TRDN: variants seen among roughly 807,000 people sequenced by gnomAD.
TRDN encodes the protein triadin in skeletal muscle.
TRDN carries 161 observed loss-of-function variants against 149.7 expected under a neutral mutation model. The observed-to-expected ratio is 1.08, with a 90% CI of 0.95 to 1.23. TRDN has a LOEUF of 1.23. Ranked by LOEUF, TRDN falls within the 50% of genes most tolerant of loss-of-function variation. TRDN has a pLI of 0.00. For synonymous variants in TRDN, 294 were observed against 250.5 expected, an observed-to-expected ratio of 1.17 and a Z score of -1.64; for missense variants, 896 against 823.5, an observed-to-expected ratio of 1.09 and a Z score of -1.08.
intron 12 of TRDN, chr6:123,411,632 A>G (rs1324812187): frequency 1.3e-5 from 2 of 152,372 alleles, no homozygotes; most frequent in Non-Finnish European, 2.9e-5. Context: ...GATATTAAAT[A>G]GCAAAGATAC....
chr6:123,439,405 T>C (rs1328531366), intron 10 of TRDN, among the ~76,000 whole-genome samples: 1 of 152,256 alleles, frequency 6.6e-6, no homozygotes, highest in Non-Finnish European at 1.5e-5. Context: ...TTGTTTTCTT[T>C]TATACATTTA....
At chr6:123,382,195 A>G (rs762862982) in intron 14 of TRDN, 48 bp from the exon 15 acceptor site, 7 of 1,307,156 alleles carry the variant, frequency 5.4e-6, no homozygotes, top group Middle Eastern at 2.6e-4. Flanking sequence ...CAATAAATCA[A>G]CAGCTGATCA....
chr6:123,512,279 G>A, intron 7 of TRDN, 24 bp downstream of exon 7: 1 of 1,299,900 alleles, frequency 7.7e-7, no homozygotes, highest in Non-Finnish European at 1.1e-6. Flanking sequence ...ATTTAGTTAT[G>A]GAAATAATAA....
At chr6:123,290,176 A>C (rs1582827806) in intron 24 of TRDN, among the ~76,000 whole-genome samples, 1 of 152,118 alleles carries the variant, frequency 6.6e-6, no homozygotes, top group South Asian at 2.1e-4. Context: ...TCTTTATTTG[A>C]TGCTATGGAA....
intron 1 of TRDN, among the ~76,000 whole-genome samples, chr6:123,586,303 G>C (rs373336377): frequency 7.9e-5 from 12 of 152,106 alleles, no homozygotes; most frequent in African/African-American, 2.4e-4. Flanking sequence ...GTGGAGGACC[G>C]GAGGCTGAGG....
intron 38 of TRDN, among the ~76,000 whole-genome samples, chr6:123,239,686 T>G (rs989175448): frequency 7.9e-5 from 12 of 152,110 alleles, no homozygotes; most frequent in Admixed American, 1.3e-4. Context: ...AAATTAAATA[T>G]GCTTAACATT....
At chr6:123,517,901 T>C (rs1779489389) in intron 5 of TRDN, among the ~76,000 whole-genome samples, 1 of 152,184 alleles carries the variant, frequency 6.6e-6, no homozygotes, top group African/African-American at 2.4e-5. Flanking sequence ...TTAATATCTC[T>C]ACTCAGTAAA....
chr6:123,381,117 G>C (rs1209137982), intron 16 of TRDN, among the ~76,000 whole-genome samples: 1 of 152,000 alleles, frequency 6.6e-6, no homozygotes, highest in African/African-American at 2.4e-5. Flanking sequence ...TTTTACTTTT[G>C]ATTACAAGCC....
chr6:123,334,126 C>A lies in TRDN; in HGVS notation c.1421-2197G>T, dbSNP rs1403872693. Among the ~76,000 whole-genome samples the A allele has an allele frequency of 2.0e-5, 3 of 151,974 alleles. No individual in the cohort carries two copies. In the East Asian group the frequency reaches 5.8e-4, roughly 29 times the overall value. ...AGTTTCGAAGTCTTCAGACAACTTA[C>A]CCCAACCTTAATTCTAGCTTTGAAT... On this transcript the variant is annotated intron_variant, in intron 22 of 40. Transcript: ENST00000334268.
intron 10 of TRDN, chr6:123,456,883 T>C: frequency 2.2e-6 from 1 of 455,984 alleles, no homozygotes; most frequent in South Asian, 1.5e-5. Context: ...TTTGGAATTG[T>C]AACAAGCTGG....
intron 20 of TRDN, among the ~76,000 whole-genome samples, chr6:123,361,613 T>A (rs1971772): frequency 0.36 from 54,579 of 151,992 alleles, 10,687 homozygotes; most frequent in Middle Eastern, 0.47. Context: ...TTCATCATCA[T>A]TTCTCATATA....
intron 37 of TRDN, 95 bp downstream of exon 37, chr6:123,254,986 T>G (rs1244456227): frequency 3.9e-6 from 3 of 769,678 alleles, no homozygotes; most frequent in Admixed American, 4.3e-5. Context: ...ATCTTCTAGA[T>G]TTCTTTGTTC....
At chr6:123,328,693 T>C (rs1183995202) in intron 23 of TRDN, among the ~76,000 whole-genome samples, 3 of 152,178 alleles carry the variant, frequency 2.0e-5, no homozygotes, top group Non-Finnish European at 4.4e-5. Context: ...TCCACTTTCC[T>C]GGGTCTGCAC....
At chr6:123,602,799 A>G (rs907448569) in intron 1 of TRDN, among the ~76,000 whole-genome samples, 1 of 152,090 alleles carries the variant, frequency 6.6e-6, no homozygotes, top group South Asian at 2.1e-4. Flanking sequence ...TGTTATTTCC[A>G]TATGTCAGTG....
At chr6:123,485,156 A>T (rs1777919915) in intron 9 of TRDN, among the ~76,000 whole-genome samples, 2 of 152,294 alleles carry the variant, frequency 1.3e-5, no homozygotes, top group South Asian at 4.1e-4. Context: ...TTCCATAATT[A>T]AGCCTAGGCT....
chr6:123,581,542 C>G (rs139845471), intron 1 of TRDN, among the ~76,000 whole-genome samples: 3 of 152,084 alleles, frequency 2.0e-5, no homozygotes, highest in Non-Finnish European at 4.4e-5. Flanking sequence ...TGTTAAATAA[C>G]CTCAATATTT....
intron 12 of TRDN, among the ~76,000 whole-genome samples, chr6:123,395,019 C>T (rs1429824298): frequency 6.6e-6 from 1 of 151,798 alleles, no homozygotes; most frequent in East Asian, 1.9e-4. Flanking sequence ...AATAATATGC[C>T]CAAAAATTTC....
At chr6:123,520,549 A>T (rs774229941) in intron 5 of TRDN, among the ~76,000 whole-genome samples, 2 of 152,214 alleles carry the variant, frequency 1.3e-5, no homozygotes, top group Non-Finnish European at 2.9e-5. Flanking sequence ...AATAATGCAC[A>T]TACTTCTTTT....
intron 20 of TRDN, among the ~76,000 whole-genome samples, chr6:123,364,175 A>G (rs1253848481): frequency 6.6e-6 from 1 of 152,154 alleles, no homozygotes; most frequent in African/African-American, 2.4e-5. Context: ...TTGCTCAGTT[A>G]AACTGTGTTA....
Sources: gnomAD v4.1 joint callset for allele counts (sites outside exome capture counted in the v4.1 genomes callset) on GRCh38, gnomAD v4.1.1 for gene constraint, MANE v1.5 for transcripts, NCBI Gene and HGNC (gene_info 2026-07-23, HGNC 2026-07-21) for gene names.